Variants in VAMP5 observed in about 807,000 individuals in gnomAD.
VAMP5 encodes vesicle-associated membrane protein 5.
In VAMP5, 10 loss-of-function variants were observed where a neutral mutation model predicts 8.1. That is an observed-to-expected ratio of 1.23 (90% CI 0.76 to 2.09). The LOEUF (loss-of-function observed/expected upper bound fraction) is 2.09, where lower values mean the gene tolerates loss of function less well. VAMP5 is among the 30% of genes most tolerant of loss of function. The probability of loss-of-function intolerance (pLI) is 0.00; values close to 1 mark genes in which losing one functional copy is unlikely to be tolerated. For missense variants in VAMP5, 135 were observed against 152.5 expected (o/e 0.89, Z 0.60); for synonymous variants, 62 against 60.6 (o/e 1.02, Z -0.11).
intron 2 of VAMP5, 91 bp from the exon 3 acceptor site, chr2:85,592,857 T>A: frequency 7.9e-7 from 1 of 1,266,294 alleles, no homozygotes; most frequent in Non-Finnish European, 1.1e-6. Context: ...AGGAGGAGAC[T>A]AAGCCTTACT....
chr2:85,589,680 TG>T (rs1672512195), intron 1 of VAMP5, among the ~76,000 whole-genome samples: 1 of 152,174 alleles, frequency 6.6e-6, no homozygotes, highest in Non-Finnish European at 1.5e-5. Flanking sequence ...TTTGCTGAGA[TG>T]GAGTCTTGCT....
At chr2:85,591,934 T>C in intron 2 of VAMP5, 72 bp downstream of exon 2, 1 of 1,589,434 alleles carries the variant, frequency 6.3e-7, no homozygotes, top group South Asian at 1.1e-5. Context: ...GTATTCAGGA[T>C]CTCCAGTTCC....
At chr2:85,584,937 G>A (rs539475422) in intron 1 of VAMP5, among the ~76,000 whole-genome samples, 3 of 152,332 alleles carry the variant, frequency 2.0e-5, no homozygotes, top group Non-Finnish European at 4.4e-5. Flanking sequence ...GACCCGCCTG[G>A]CACTCAGAAC....
chr2:85,592,685 CA>C (rs1422864807), intron 2 of VAMP5, among the ~76,000 whole-genome samples: 1 of 151,684 alleles, frequency 6.6e-6, no homozygotes, highest in Non-Finnish European at 1.5e-5. Flanking sequence ...CCTGTAGTCC[CA>C]GCTACTAGGG....
chr2:85,586,168 C>T (rs191350263), intron 1 of VAMP5, among the ~76,000 whole-genome samples: 9 of 152,296 alleles, frequency 5.9e-5, no homozygotes, highest in South Asian at 2.1e-4. Flanking sequence ...ATTTAGCACA[C>T]GGGTTACAAA....
chr2:85,584,552 T>A (rs886178122), intron 1 of VAMP5, 59 bp downstream of exon 1: 7 of 1,232,430 alleles, frequency 5.7e-6, no homozygotes, highest in Non-Finnish European at 7.1e-6. Flanking sequence ...GTGGCGAGGG[T>A]GGGAGAGAGG....
At chr2:85,585,261 G>C (rs988748931) in intron 1 of VAMP5, among the ~76,000 whole-genome samples, 2 of 152,226 alleles carry the variant, frequency 1.3e-5, no homozygotes, top group African/African-American at 4.8e-5. Context: ...GTCCTCACTT[G>C]CCATCTCCAA....
At chr2:85,587,398 T>C (rs1672479193) in intron 1 of VAMP5, among the ~76,000 whole-genome samples, 1 of 151,404 alleles carries the variant, frequency 6.6e-6, no homozygotes, top group African/African-American at 2.4e-5. Context: ...GGATTACAGG[T>C]GCCCGCCACC....
chr2:85,586,700 A>G (rs1183971507), intron 1 of VAMP5, among the ~76,000 whole-genome samples: 1 of 152,156 alleles, frequency 6.6e-6, no homozygotes, highest in East Asian at 1.9e-4. Context: ...CCTACCTCAG[A>G]GTATGTGCCC....
intron 2 of VAMP5, 72 bp from the exon 3 acceptor site, chr2:85,592,876 G>A: frequency 6.6e-7 from 1 of 1,526,186 alleles, no homozygotes; most frequent in South Asian, 1.1e-5. Flanking sequence ...CTGAGATGGG[G>A]TTGGGAGGAG....
rs533179981 is a variant in VAMP5, at chr2:85,584,525, C to A, written c.3+32C>A. ...GCCCAGGCGGGGCCGGCCAGCCCTG[C>A]GACGGGCAGAGGGCGAGTGGCGAGG... On this transcript the variant is annotated intron_variant, in intron 1 of 2. Transcript: ENST00000306384. The A allele has an allele frequency of 6.5e-6, 8 of 1,237,156 alleles. No homozygotes were observed. The African/African-American group carries it at 7.8e-5, about 12-fold the overall frequency. The allele number at this position is 1,237,156 out of a possible 1,614,324, so 76.6% of individuals were successfully genotyped here. A position where few individuals can be genotyped will look rare whatever the true frequency, so the allele number is the denominator to read the frequency against.
In VAMP5 at chr2:85,593,200, G is replaced by A. The variant is rs779477137; in HGVS notation, c.*43G>A. The stretch of plus-strand genomic sequence containing the variant: ...GAGAAGCCAAATGGCTGCACTGGCC[G>A]ATTCTGGTCTCCAGAGGACCTTGGT... On this transcript the variant is annotated 3_prime_UTR_variant, in exon 3 of 3. Transcript: ENST00000306384. 6.2e-6 allele frequency: 10 copies of A among 1,604,812 alleles called. No individual in the cohort carries two copies. The highest frequency in any genetic ancestry group is 2.2e-5 in the East Asian group (1 of 44,678).
intron 1 of VAMP5, among the ~76,000 whole-genome samples, 172 bp downstream of exon 1, chr2:85,584,665 G>T (rs1672437656): frequency 6.6e-6 from 1 of 152,248 alleles, no homozygotes; most frequent in Non-Finnish European, 1.5e-5. Context: ...TCCACTCCCT[G>T]CGCGCCGCAT....
chr2:85,590,940 C>T (rs1211843913), intron 1 of VAMP5, among the ~76,000 whole-genome samples: 1 of 152,224 alleles, frequency 6.6e-6, no homozygotes, highest in East Asian at 1.9e-4. Context: ...TCCCAGTCCT[C>T]TGAAATGAGC....
intron 2 of VAMP5, among the ~76,000 whole-genome samples, chr2:85,592,316 T>G (rs1672552697): frequency 6.6e-6 from 1 of 152,126 alleles, no homozygotes; most frequent in African/African-American, 2.4e-5. Flanking sequence ...AGGCTGGTCT[T>G]GAACTCCTGG....
chr2:85,589,101 A>C (rs1267565949), intron 1 of VAMP5, among the ~76,000 whole-genome samples: 1 of 152,196 alleles, frequency 6.6e-6, no homozygotes, highest in African/African-American at 2.4e-5. Flanking sequence ...CCTGGGCAAC[A>C]TAGCAAGACC....
chr2:85,587,177 T>C (rs1672473805), intron 1 of VAMP5, among the ~76,000 whole-genome samples: 1 of 152,174 alleles, frequency 6.6e-6, no homozygotes, highest in Non-Finnish European at 1.5e-5. Flanking sequence ...GTGTACTATG[T>C]GTACAAGTTT....
rs1672572516 is a variant in VAMP5, at chr2:85,593,090, A to G, written c.284A>G (p.Gln95Arg). The change falls in exon 3 of 3, where the codon CAG (glutamine) becomes CGG (arginine). Residue 95 changes from glutamine (Q) to arginine (R), a missense_variant. Coordinates refer to ENST00000306384, the MANE Select transcript of VAMP5 (RefSeq NM_006634.3). ...GTGCTGCTGGTCGTCTTTCTCCCTC[A>G]GAGCAGTGACAGCAGTAGTGCCCCA... is the stretch of plus-strand genomic sequence containing the variant. ...LIVLLVVFLP[Q>R]SSDSSSAPRT... The G allele has an allele frequency of 1.9e-6, 3 of 1,614,216 alleles. No individual in the cohort carries two copies. Among genetic ancestry groups the G allele is most frequent in the Non-Finnish European group, 1.7e-6 (2 of 1,180,040 alleles).
intron 1 of VAMP5, among the ~76,000 whole-genome samples, chr2:85,587,669 T>C (rs1024560942): frequency 5.9e-5 from 9 of 152,242 alleles, no homozygotes; most frequent in Admixed American, 5.2e-4. Context: ...TCAGGCGTTG[T>C]GCTAAGCTTT....
Sources: allele counts gnomAD v4.1 joint callset (sites outside exome capture counted in the v4.1 genomes callset), GRCh38; gene constraint gnomAD v4.1.1; transcripts MANE v1.5; gene names NCBI Gene and HGNC (gene_info 2026-07-23, HGNC 2026-07-21).